The following PRDM16 variants were observed in gnomAD, a reference collection of about 807,000 sequenced individuals.
PRDM16 encodes the protein PR/SET domain 16, also known as histone-lysine N-methyltransferase PRDM16.
Under a neutral mutation model 110.6 loss-of-function variants are expected in PRDM16, and 23 were observed. The ratio of observed to expected loss-of-function variants is 0.21; its 90% CI spans 0.15 to 0.29. The LOEUF is 0.29. PRDM16 is among the 10% of genes least tolerant of loss of function. The pLI is 1.00. For synonymous variants in PRDM16, 799 were observed against 781.8 expected, an observed-to-expected ratio of 1.02 and a Z score of -0.37; for missense variants, 1,615 against 1,794.3, an observed-to-expected ratio of 0.90 and a Z score of 1.81.
At chr1:3,231,939 G>T (rs1639427309) in intron 2 of PRDM16, among the ~76,000 whole-genome samples, 1 of 152,208 alleles carries the variant, frequency 6.6e-6, no homozygotes. Flanking sequence ...GAGGTGGCCA[G>T]TTTTTCCCAG....
At position 3,265,228 on chromosome 1, in the gene PRDM16, A is replaced by G. The variant is rs1265223957; in HGVS notation, c.438+21091A>G. On this transcript the variant is annotated intron_variant, in intron 3 of 16. Transcript: ENST00000270722. This position sits in a 1 kb window ranked among gnomAD's most constrained non-coding sequence, Gnocchi z 4.5. ...GGGCTCTGGGTCCGGAGAAATTGCA[A>G]CCATGGCTTGACAACAGCTTGTCCC... Among the ~76,000 whole-genome samples, 1 of 152,102 alleles carries G rather than the reference A, an allele frequency of 6.6e-6. No homozygotes were observed. Among genetic ancestry groups the G allele is most frequent in the Non-Finnish European group, 1.5e-5 (1 of 68,010 alleles).
chr1:3,354,494 CT>C, intron 3 of PRDM16, among the ~76,000 whole-genome samples: 1 of 150,946 alleles, frequency 6.6e-6, no homozygotes, highest in East Asian at 1.9e-4. Context: ...TTGCTTAGAG[CT>C]GCCACCAGAT....
intron 1 of PRDM16, among the ~76,000 whole-genome samples, chr1:3,153,569 T>G (rs1253879528): frequency 6.6e-6 from 1 of 152,162 alleles, no homozygotes; most frequent in East Asian, 1.9e-4. Context: ...CCGGGTGTCT[T>G]TTGGAGGCTG....
intron 1 of PRDM16, among the ~76,000 whole-genome samples, chr1:3,131,682 C>T (rs887072878): frequency 9.8e-5 from 15 of 152,350 alleles, no homozygotes; most frequent in Admixed American, 3.3e-4. Flanking sequence ...CTGGTCTGTC[C>T]GCTGCATGGT....
intron 15 of PRDM16, among the ~76,000 whole-genome samples, chr1:3,431,504 C>A (rs1032409780): frequency 3.3e-5 from 5 of 152,270 alleles, no homozygotes; most frequent in African/African-American, 1.2e-4. Context: ...GGCCACTTCC[C>A]CATGTCCTCA....
chr1:3,390,969 G>A lies in PRDM16; in HGVS notation c.574-5522G>A, dbSNP rs1643291107. 6.6e-6 allele frequency among the ~76,000 whole-genome samples: 1 copy of A among 151,904 alleles called. No homozygotes were observed. The highest frequency in any genetic ancestry group is 1.5e-5 in the Non-Finnish European group (1 of 67,998). ...TCCTGTCTCAGCCTCTCAAGTAGCTGGGATTACAGGGGCCTGCCACTATGC... is the reference window on the plus strand; with the variant it reads ...TCCTGTCTCAGCCTCTCAAGTAGCTAGGATTACAGGGGCCTGCCACTATGC... On this transcript the variant is annotated intron_variant, in intron 4 of 16. Transcript: ENST00000270722. This position sits in a 1 kb window ranked among gnomAD's most constrained non-coding sequence, Gnocchi z 5.0.
intron 3 of PRDM16, among the ~76,000 whole-genome samples, chr1:3,321,025 C>T (rs1168055271): frequency 2.0e-5 from 3 of 152,182 alleles, no homozygotes; most frequent in Non-Finnish European, 4.4e-5. Flanking sequence ...GTGTCCTCTG[C>T]GAGGGATAGA....
chr1:3,070,472 G>A (rs1641723395), intron 1 of PRDM16, among the ~76,000 whole-genome samples: 1 of 149,384 alleles, frequency 6.7e-6, no homozygotes, highest in Non-Finnish European at 1.5e-5. Context: ...CTGCAGCGAA[G>A]CGGCCAGCGC....
chr1:3,433,091 G>C (rs1638811626), intron 16 of PRDM16, among the ~76,000 whole-genome samples: 1 of 152,212 alleles, frequency 6.6e-6, no homozygotes, highest in Non-Finnish European at 1.5e-5. Context: ...CGTGTCTGTA[G>C]TTTCTGCTGA....
chr1:3,304,652 T>G (rs1181954910), intron 3 of PRDM16, among the ~76,000 whole-genome samples: 1 of 152,310 alleles, frequency 6.6e-6, no homozygotes, highest in East Asian at 1.9e-4. Flanking sequence ...GTTTTTTGTG[T>G]GCATTGATGA....
chr1:3,178,625 C>A (rs972335246), intron 1 of PRDM16, among the ~76,000 whole-genome samples: 3 of 152,184 alleles, frequency 2.0e-5, no homozygotes, highest in African/African-American at 7.2e-5. Flanking sequence ...TTTAGAAAAG[C>A]CTAGTTCCCT....
intron 1 of PRDM16, among the ~76,000 whole-genome samples, chr1:3,075,961 G>A (rs536101324): frequency 6.6e-6 from 1 of 152,328 alleles, no homozygotes; most frequent in Admixed American, 6.5e-5. Flanking sequence ...GAGGAGTCAC[G>A]CACTAGGCTT....
intron 1 of PRDM16, among the ~76,000 whole-genome samples, chr1:3,159,790 G>T (rs1643884316): frequency 6.6e-6 from 1 of 152,170 alleles, no homozygotes; most frequent in Non-Finnish European, 1.5e-5. Flanking sequence ...ACCTGGTACT[G>T]CCCAGAGGGA....
At chr1:3,404,018 T>C (rs559213522) in intron 6 of PRDM16, among the ~76,000 whole-genome samples, 1 of 152,142 alleles carries the variant, frequency 6.6e-6, no homozygotes, top group African/African-American at 2.4e-5. Flanking sequence ...AACACATAAA[T>C]CACAATTAAC....
chr1:3,159,063 C>G (rs1420625203), intron 1 of PRDM16, among the ~76,000 whole-genome samples: 2 of 152,210 alleles, frequency 1.3e-5, no homozygotes, highest in Admixed American at 1.3e-4. Flanking sequence ...GGCCACCATG[C>G]CAGGCCAAGA....
At position 3,404,656 on chromosome 1, in the gene PRDM16, G is replaced by A. The variant is rs1373492145; in HGVS notation, c.885-83G>A. 3.2e-6 allele frequency: 5 copies of A among 1,554,846 alleles called. No individual in the cohort carries two copies. In the South Asian group the frequency reaches 5.8e-5, roughly 18 times the overall value. ...GTGGTGGGGGCTCCGAAGGGGCACT[G>A]GGAACAAGCTGTATGGTTGGGGTCC... On this transcript the variant is annotated intron_variant, in intron 6 of 16. Coordinates refer to ENST00000270722, the MANE Select transcript of PRDM16 (RefSeq NM_022114.4).
chr1:3,270,351 GT>G (rs1640413478), intron 3 of PRDM16, among the ~76,000 whole-genome samples: 2 of 137,746 alleles, frequency 1.5e-5, no homozygotes, highest in African/African-American at 6.2e-5. Context: ...GAAGAGGACA[GT>G]CCCGGAGGAG....
Position 3,350,026 on chromosome 1 carries a change from G to C in PRDM16, c.439-35126G>C, listed in dbSNP as rs113312123. ...CCTGGACCTGACTCCTGTCTTTGAG[G>C]GGGGAAGAGGACAGGGCAGAAAAGA... is the stretch of plus-strand genomic sequence containing the variant. On this transcript the variant is annotated intron_variant, in intron 3 of 16. Coordinates refer to ENST00000270722, the MANE Select transcript of PRDM16 (RefSeq NM_022114.4). This position sits in a 1 kb window ranked among gnomAD's most constrained non-coding sequence, Gnocchi z 7.1. Among the ~76,000 whole-genome samples, 100 of 152,320 alleles carry C rather than the reference G, an allele frequency of 6.6e-4. No individual in the cohort carries two copies. Among genetic ancestry groups the C allele is most frequent in the Middle Eastern group, 3.4e-3 (1 of 294 alleles).
At chr1:3,088,704 C>A (rs2100592816) in intron 1 of PRDM16, among the ~76,000 whole-genome samples, 1 of 151,186 alleles carries the variant, frequency 6.6e-6, no homozygotes, top group East Asian at 1.9e-4. Flanking sequence ...CTGATCTCAG[C>A]CTCTCAGAGT....
Sources: allele counts gnomAD v4.1 joint callset (sites outside exome capture counted in the v4.1 genomes callset), GRCh38; gene constraint gnomAD v4.1.1; non-coding constraint Gnocchi (gnomAD v3.1); transcripts MANE v1.5; gene names NCBI Gene and HGNC (gene_info 2026-07-23, HGNC 2026-07-21).